Variants in SEM1 observed in about 807,000 individuals in gnomAD.
SEM1 encodes SEM1 26S proteasome subunit, also known as 26S proteasome complex subunit SEM1.
In SEM1, 3 loss-of-function variants were observed where a neutral mutation model predicts 12.7. That is an observed-to-expected ratio of 0.24 (90% CI 0.11 to 0.61). The LOEUF is 0.61. Ranked by LOEUF, SEM1 falls within the 20% of genes least tolerant of loss-of-function variation. The probability of loss-of-function intolerance (pLI) is 0.88; values close to 1 mark genes in which losing one functional copy is unlikely to be tolerated. For missense variants in SEM1, 59 were observed against 81.3 expected, an observed-to-expected ratio of 0.73 and a Z score of 1.06; for synonymous variants, 30 against 27.8, an observed-to-expected ratio of 1.08 and a Z score of -0.25.
chr7:96,705,462 T>C (rs1790423562), intron 1 of SEM1, among the ~76,000 whole-genome samples: 1 of 152,028 alleles, frequency 6.6e-6, no homozygotes. Context: ...CCACATCTAA[T>C]TGTCAGAGAA....
At chr7:96,689,119 C>A (rs1222235884) in intron 2 of SEM1, among the ~76,000 whole-genome samples, 153 bp from the exon 3 acceptor site, 1 of 150,664 alleles carries the variant, frequency 6.6e-6, no homozygotes, top group African/African-American at 2.5e-5. Flanking sequence ...GAAAAAAAAA[C>A]ATAAGAAAAT....
intron 2 of SEM1, among the ~76,000 whole-genome samples, chr7:96,520,077 A>G (rs1417661621): frequency 1.3e-5 from 2 of 152,196 alleles, no homozygotes; most frequent in Non-Finnish European, 2.9e-5. Context: ...TGAGGCAGCC[A>G]CAAGAAAGAT....
At chr7:96,525,455 C>T (rs186884815) in intron 2 of SEM1, among the ~76,000 whole-genome samples, 8 of 152,232 alleles carry the variant, frequency 5.3e-5, no homozygotes, top group Non-Finnish European at 1.2e-4. Flanking sequence ...AGGCCGGGTA[C>T]AACTCGGATA....
At chr7:96,625,404 A>C (rs564955962) in intron 2 of SEM1, among the ~76,000 whole-genome samples, 1 of 152,304 alleles carries the variant, frequency 6.6e-6, no homozygotes, top group Non-Finnish European at 1.5e-5. Context: ...AAAAACTTAA[A>C]GATAAAGTTA....
At chr7:96,499,841 C>T (rs905166081), upstream of SEM1, among the ~76,000 whole-genome samples, 4 of 152,012 alleles carry the variant, frequency 2.6e-5, no homozygotes, top group Non-Finnish European at 5.9e-5. Context: ...GCTAGAAAAA[C>T]GTTTTTTGTT....
chr7:96,509,689 A>C (rs893653611), intron 2 of SEM1, among the ~76,000 whole-genome samples: 2 of 152,182 alleles, frequency 1.3e-5, no homozygotes, highest in African/African-American at 4.8e-5. Flanking sequence ...TGACATATAC[A>C]TACAATGGAA....
intron 2 of SEM1, among the ~76,000 whole-genome samples, chr7:96,613,428 A>C (rs1486113510): frequency 6.6e-6 from 1 of 152,158 alleles, no homozygotes; most frequent in Non-Finnish European, 1.5e-5. Context: ...AAATTCTCTT[A>C]GGTTTTTTTG....
chr7:96,496,651 G>A (rs539481281), upstream of SEM1, among the ~76,000 whole-genome samples: 5 of 152,118 alleles, frequency 3.3e-5, no homozygotes, highest in Non-Finnish European at 7.4e-5. Flanking sequence ...AAGGGGAAAC[G>A]TAAGATTTAA....
chr7:96,697,806 T>C (rs1198011220), intron 1 of SEM1, among the ~76,000 whole-genome samples: 1 of 152,184 alleles, frequency 6.6e-6, no homozygotes, highest in Non-Finnish European at 1.5e-5. Context: ...AGCCACACCA[T>C]ATCCAGTGAT....
intron 2 of SEM1, among the ~76,000 whole-genome samples, chr7:96,485,804 T>A (rs1324613758): frequency 1.3e-5 from 2 of 152,112 alleles, no homozygotes; most frequent in Non-Finnish European, 2.9e-5. Context: ...CCTTGCAAAG[T>A]GCTGGGATTA....
intron 2 of SEM1, among the ~76,000 whole-genome samples, chr7:96,599,960 T>C (rs933501211): frequency 6.6e-6 from 1 of 152,248 alleles, no homozygotes; most frequent in Non-Finnish European, 1.5e-5. Flanking sequence ...AAGTGATTAC[T>C]TGGGAATTTC....
rs150658016 is a variant in SEM1, at chr7:96,611,455, C to G, written c.170+83343G>C. 4.4e-3 allele frequency among the ~76,000 whole-genome samples: 669 copies of G among 152,178 alleles called. 3 individuals carry two copies. The highest frequency in any genetic ancestry group is 7.6e-3 in the Non-Finnish European group (515 of 68,014). On this transcript the variant is annotated intron_variant and NMD_transcript_variant, in intron 2 of 3. Coordinates refer to the SEM1 transcript ENST00000466986. ...GGCAAGTCCTCCATGACAGTCATGC[C>G]ATGGAATATGAGCAAAAGTTACATG...
chr7:96,599,681 G>C (rs1807133917), intron 2 of SEM1, among the ~76,000 whole-genome samples: 1 of 152,168 alleles, frequency 6.6e-6, no homozygotes, highest in South Asian at 2.1e-4. Flanking sequence ...AAGAGAACAA[G>C]AGGACTAGCA....
intron 2 of SEM1, among the ~76,000 whole-genome samples, chr7:96,509,948 A>G (rs1056100522): frequency 6.6e-6 from 1 of 152,164 alleles, no homozygotes; most frequent in Non-Finnish European, 1.5e-5. Context: ...CAGCTGGAAT[A>G]GATGAAAATG....
At chr7:96,546,611 A>G (rs563853427) in intron 2 of SEM1, among the ~76,000 whole-genome samples, 1 of 152,242 alleles carries the variant, frequency 6.6e-6, no homozygotes, top group South Asian at 2.1e-4. Context: ...CTATATAGTT[A>G]TACAATTCAT....
chr7:96,533,710 T>G (rs779819175), intron 2 of SEM1, among the ~76,000 whole-genome samples: 2 of 151,980 alleles, frequency 1.3e-5, no homozygotes, highest in Non-Finnish European at 2.9e-5. Context: ...CTAAGATACT[T>G]CAAAGAGGCC....
intron 2 of SEM1, among the ~76,000 whole-genome samples, chr7:96,655,882 C>T (rs1422861758): frequency 3.9e-5 from 6 of 152,244 alleles, no homozygotes; most frequent in South Asian, 2.1e-4. Context: ...AAACAAAGGA[C>T]TAGAGATACA....
intron 2 of SEM1, among the ~76,000 whole-genome samples, chr7:96,518,141 G>A (rs938666059): frequency 2.6e-5 from 4 of 152,108 alleles, no homozygotes; most frequent in African/African-American, 7.2e-5. Context: ...TGCATAGATC[G>A]TAGTAGTAAT....
chr7:96,598,205 A>C lies in SEM1; in HGVS notation c.171-91507T>G, dbSNP rs1206047618. On this transcript the variant is annotated intron_variant and NMD_transcript_variant, in intron 2 of 3. Coordinates refer to the SEM1 transcript ENST00000466986. ...ATCTACCTGCACCCTGAATTTTAAA[A>C]CTCAAAAAAAGATAATGAACTGGTA... Among the ~76,000 whole-genome samples, 4 of 152,274 alleles carry C rather than the reference A, an allele frequency of 2.6e-5. No individual in the cohort carries two copies. The East Asian group carries it at 7.7e-4, about 29-fold the overall frequency.
Sources: gnomAD v4.1 joint callset for allele counts (sites outside exome capture counted in the v4.1 genomes callset) on GRCh38, gnomAD v4.1.1 for gene constraint, MANE v1.5 for transcripts, NCBI Gene and HGNC (gene_info 2026-07-23, HGNC 2026-07-21) for gene names.